TUSC3: variants seen among roughly 807,000 people sequenced by gnomAD.
TUSC3 encodes the protein dolichyl-diphosphooligosaccharide--protein glycosyltransferase subunit TUSC3.
A neutral mutation model predicts 44.8 loss-of-function variants in TUSC3; 45 were observed. The observed-to-expected ratio is 1.00, with a 90% CI of 0.79 to 1.29. The LOEUF is 1.29. Among genes scored for constraint, TUSC3 ranks in the 50% most tolerant of loss-of-function variants. TUSC3 has a pLI of 0.00. For missense variants in TUSC3, 519 were observed against 437.9 expected, an observed-to-expected ratio of 1.19 and a Z score of -1.65; for synonymous variants, 212 against 152.9, an observed-to-expected ratio of 1.39 and a Z score of -2.85.
chr8:15,701,595 C>T (rs1463554289), intron 6 of TUSC3, among the ~76,000 whole-genome samples: 5 of 152,034 alleles, frequency 3.3e-5, no homozygotes, highest in African/African-American at 1.2e-4. Context: ...ACAATGTCAT[C>T]AATCTGTTAA....
chr8:15,749,319 A>G (rs1271203786), intron 9 of TUSC3, among the ~76,000 whole-genome samples: 2 of 152,116 alleles, frequency 1.3e-5, no homozygotes, highest in Non-Finnish European at 2.9e-5. Context: ...ACATTTTTAG[A>G]ACGTTTCCAC....
At chr8:15,445,933 C>T (rs980653354) in intron 1 of TUSC3, among the ~76,000 whole-genome samples, 23 of 139,010 alleles carry the variant, frequency 1.7e-4, no homozygotes, top group African/African-American at 6.3e-4. Flanking sequence ...CCGGACGGGG[C>T]GGCTGGCCGG....
chr8:15,811,682 A>G, the TUSC3 span, among the ~76,000 whole-genome samples: 17 of 152,230 alleles, frequency 1.1e-4, no homozygotes, highest in African/African-American at 4.1e-4. Context: ...GAAAAGGCAA[A>G]TGAGGAGAGG....
intron 1 of TUSC3, among the ~76,000 whole-genome samples, chr8:15,456,607 T>A (rs1042563300): frequency 6.6e-6 from 1 of 152,142 alleles, no homozygotes; most frequent in East Asian, 1.9e-4. Context: ...CATTCACTTA[T>A]GGAACTTTGA....
At chr8:15,575,125 G>A (rs1006907757) in intron 1 of TUSC3, among the ~76,000 whole-genome samples, 2 of 151,630 alleles carry the variant, frequency 1.3e-5, no homozygotes, top group African/African-American at 4.8e-5. Flanking sequence ...CACATTTTAT[G>A]GGACATTATG....
the TUSC3 span, among the ~76,000 whole-genome samples, chr8:15,788,147 T>C: frequency 6.6e-6 from 1 of 152,152 alleles, no homozygotes; most frequent in Non-Finnish European, 1.5e-5. Flanking sequence ...CAAGAATATA[T>C]GGGAGAAAAT....
chr8:15,750,220 C>A (rs1811635642), intron 9 of TUSC3, among the ~76,000 whole-genome samples: 1 of 151,932 alleles, frequency 6.6e-6, no homozygotes, highest in African/African-American at 2.4e-5. Context: ...ACCTCATGGT[C>A]CACCCACCTC....
chr8:15,772,540 G>T, the TUSC3 span, among the ~76,000 whole-genome samples: 1 of 152,034 alleles, frequency 6.6e-6, no homozygotes, highest in Non-Finnish European at 1.5e-5. Context: ...TCCCAATAAA[G>T]GAAAACCCAA....
intron 6 of TUSC3, among the ~76,000 whole-genome samples, chr8:15,708,994 ATAAAT>A (rs1171905717): frequency 6.6e-6 from 1 of 151,944 alleles, no homozygotes; most frequent in Non-Finnish European, 1.5e-5. Flanking sequence ...TTTAGATTTG[ATAAAT>A]TATATTTGAA....
intron 2 of TUSC3, among the ~76,000 whole-genome samples, chr8:15,523,813 T>C (rs1801336443): frequency 6.6e-6 from 1 of 150,650 alleles, no homozygotes. Flanking sequence ...ATCCCAGCAC[T>C]TTGAAAGGCC....
chr8:15,649,313 G>T (rs533331213), intron 2 of TUSC3, among the ~76,000 whole-genome samples: 4 of 152,020 alleles, frequency 2.6e-5, no homozygotes, highest in South Asian at 2.1e-4. Flanking sequence ...AGCCGGGCGC[G>T]GTGGCTCACG....
chr8:15,669,340 C>T (rs354519), intron 5 of TUSC3, among the ~76,000 whole-genome samples: 119,229 of 151,550 alleles, frequency 0.79, 47,168 homozygotes, highest in Non-Finnish European at 0.81. Context: ...ATAATACTCA[C>T]CTTAGGTAAA....
intron 6 of TUSC3, among the ~76,000 whole-genome samples, chr8:15,678,333 G>A (rs376781012): frequency 3.9e-5 from 6 of 152,170 alleles, no homozygotes; most frequent in African/African-American, 1.2e-4. Context: ...GGCATTAAGG[G>A]CAAAGAAATA....
intron 1 of TUSC3, among the ~76,000 whole-genome samples, chr8:15,562,403 A>G (rs1171841506): frequency 6.6e-6 from 1 of 152,152 alleles, no homozygotes; most frequent in Non-Finnish European, 1.5e-5. Context: ...AGCGTTAAGA[A>G]ATAGGATGTA....
intron 2 of TUSC3, among the ~76,000 whole-genome samples, chr8:15,631,241 A>AT (rs1293030975): frequency 1.3e-5 from 2 of 152,040 alleles, no homozygotes; most frequent in African/African-American, 4.8e-5. Context: ...TAATTTTCTT[A>AT]TTTTTTACAT....
intron 2 of TUSC3, among the ~76,000 whole-genome samples, chr8:15,503,395 T>C (rs10090662): frequency 0.025 from 3,795 of 152,254 alleles, 165 homozygotes; most frequent in African/African-American, 0.087. Context: ...ATGGCAGCCC[T>C]GGAAAACTAA....
In TUSC3 at chr8:15,757,736, A is replaced by G. The variant is rs376649766; in HGVS notation, c.1029-55A>G. ...ATAATATTGTACAAATGGAAATTCA[A>G]TCTTAAGGATTATTTTTTCCATATT... is the stretch of plus-strand genomic sequence containing the variant. On this transcript the variant is annotated intron_variant, in intron 9 of 10. Transcript: ENST00000503731. 3.0e-4 allele frequency: 438 copies of G among 1,477,378 alleles called. 1 individual carries two copies. The highest frequency in any genetic ancestry group is 3.8e-4 in the Non-Finnish European group (398 of 1,055,972). 91.5% of individuals were successfully genotyped at this position (1,477,378 alleles called of 1,614,324 possible).
At chr8:15,795,307 T>C in the TUSC3 span, among the ~76,000 whole-genome samples, 7 of 152,208 alleles carry the variant, frequency 4.6e-5, no homozygotes, top group South Asian at 2.1e-4. Flanking sequence ...AGGACAATTG[T>C]ATAATCCATA....
At chr8:15,682,810 T>C (rs895061047) in intron 6 of TUSC3, among the ~76,000 whole-genome samples, 1 of 142,898 alleles carries the variant, frequency 7.0e-6, no homozygotes, top group East Asian at 2.0e-4. Flanking sequence ...TCTAGAACTT[T>C]CTTTTTTTTT....
Sources: gnomAD v4.1 joint callset for allele counts (sites outside exome capture counted in the v4.1 genomes callset) on GRCh38, gnomAD v4.1.1 for gene constraint, MANE v1.5 for transcripts, NCBI Gene and HGNC (gene_info 2026-07-23, HGNC 2026-07-21) for gene names.